ANO2: variants seen among roughly 807,000 people sequenced by gnomAD.
The protein encoded by ANO2 is anoctamin-2.
A neutral mutation model predicts 124.2 loss-of-function variants in ANO2; 101 were observed. The observed-to-expected ratio is 0.81, with a 90% CI of 0.69 to 0.96. The LOEUF is 0.96. Ranked by LOEUF, ANO2 falls within the 40% of genes least tolerant of loss-of-function variation. The probability of loss-of-function intolerance (pLI) is 0.00; values close to 1 mark genes in which losing one functional copy is unlikely to be tolerated. For missense variants in ANO2, 1,293 were observed against 1,274.5 expected (o/e 1.01, Z -0.22); for synonymous variants, 486 against 482.5 (o/e 1.01, Z -0.09).
At chr12:5,575,526 G>A (rs741364) in intron 23 of ANO2, among the ~76,000 whole-genome samples, 99,854 of 152,008 alleles carry the variant, frequency 0.66, 33,132 homozygotes, top group East Asian at 0.76. Flanking sequence ...TATAGCCTAC[G>A]TCACACCTAG....
At chr12:5,684,355 A>G (rs1316403558) in intron 14 of ANO2, among the ~76,000 whole-genome samples, 2 of 152,358 alleles carry the variant, frequency 1.3e-5, no homozygotes, top group South Asian at 2.1e-4. Flanking sequence ...CAGGCAATCT[A>G]CTAATGAGCA....
At position 5,854,146 on chromosome 12, in the gene ANO2, A is replaced by G; in HGVS notation, c.535-5T>C. On this transcript the variant is annotated splice_region_variant and splice_polypyrimidine_tract_variant and intron_variant, in intron 3 of 24. Coordinates refer to ENST00000682330, the MANE Select transcript of ANO2 (RefSeq NM_001364791.2). ...GATGGATCCCTGGCTTTTATTCTGC[A>G]AGGTACAAAGAAAGAACAAATGGAA... 1 of 1,611,426 alleles carries G rather than the reference A, an allele frequency of 6.2e-7. No homozygotes were observed. The highest frequency in any genetic ancestry group is 8.5e-7 in the Non-Finnish European group (1 of 1,178,040).
At chr12:5,576,263 G>A (rs1565428617) in intron 22 of ANO2, among the ~76,000 whole-genome samples, 2 of 152,194 alleles carry the variant, frequency 1.3e-5, no homozygotes, top group Admixed American at 6.5e-5. Context: ...AGCATGCTAA[G>A]TCAATTTGGA....
intron 3 of ANO2, among the ~76,000 whole-genome samples, chr12:5,855,163 C>T (rs988067895): frequency 6.6e-6 from 1 of 152,126 alleles, no homozygotes; most frequent in Non-Finnish European, 1.5e-5. Context: ...GCTGATAGCA[C>T]AATCCTTCAT....
At chr12:5,566,050 C>G (rs1691386448) in intron 23 of ANO2, among the ~76,000 whole-genome samples, 2 of 151,666 alleles carry the variant, frequency 1.3e-5, no homozygotes, top group Admixed American at 1.3e-4. Context: ...ACCCAGACAC[C>G]CTGAATGGTG....
At chr12:5,934,799 T>C (rs967522862) in intron 1 of ANO2, among the ~76,000 whole-genome samples, 1 of 152,206 alleles carries the variant, frequency 6.6e-6, no homozygotes, top group African/African-American at 2.4e-5. Context: ...CTCATCATTC[T>C]CCACCACCCA....
At chr12:5,894,956 A>G (rs775756488) in intron 3 of ANO2, among the ~76,000 whole-genome samples, 1 of 151,964 alleles carries the variant, frequency 6.6e-6, no homozygotes, top group Non-Finnish European at 1.5e-5. Context: ...TTTGTCTAGG[A>G]TTGTCTTGGA....
At chr12:5,566,945 T>G (rs1941800588) in intron 23 of ANO2, among the ~76,000 whole-genome samples, 1 of 152,152 alleles carries the variant, frequency 6.6e-6, no homozygotes, top group South Asian at 2.1e-4. Context: ...TTAGCTGCTC[T>G]AAAAGGTCCA....
At chr12:5,831,959 T>C (rs1298407979) in intron 5 of ANO2, among the ~76,000 whole-genome samples, 1 of 152,220 alleles carries the variant, frequency 6.6e-6, no homozygotes, top group African/African-American at 2.4e-5. Context: ...TTATTCACTC[T>C]TCCTAGGCAG....
At position 5,717,094 on chromosome 12, in the gene ANO2, C is replaced by T. The variant is rs551094282; in HGVS notation, c.1545+15426G>A. 5.4e-4 allele frequency among the ~76,000 whole-genome samples: 83 copies of T among 152,312 alleles called. 1 individual carries two copies. The South Asian group carries it at 0.017, about 31-fold the overall frequency. ...ATAAAGAATGACTGGTAAAGCAAAC[C>T]ATCCCACCGCAAAGGCCAGCATTCA... is the stretch of plus-strand genomic sequence containing the variant. On this transcript the variant is annotated intron_variant, in intron 14 of 24. Coordinates refer to ENST00000682330, the MANE Select transcript of ANO2 (RefSeq NM_001364791.2).
intron 14 of ANO2, among the ~76,000 whole-genome samples, chr12:5,652,670 G>A (rs960919106): frequency 5.7e-4 from 86 of 152,108 alleles, no homozygotes; most frequent in African/African-American, 2.0e-3. Flanking sequence ...CTCAACACAG[G>A]CTTGTCTGAA....
intron 1 of ANO2, among the ~76,000 whole-genome samples, chr12:5,937,261 A>T (rs1232681487): frequency 6.6e-6 from 1 of 152,210 alleles, no homozygotes; most frequent in African/African-American, 2.4e-5. Context: ...CCTAACAGGT[A>T]TGCGATGATA....
chr12:5,886,138 A>G (rs1234306413), intron 3 of ANO2, among the ~76,000 whole-genome samples: 1 of 152,246 alleles, frequency 6.6e-6, no homozygotes, highest in Non-Finnish European at 1.5e-5. Flanking sequence ...GCAAGTTTAA[A>G]AGCAGAGAGG....
chr12:5,726,939 C>T (rs1251469586), intron 14 of ANO2, among the ~76,000 whole-genome samples: 4 of 152,168 alleles, frequency 2.6e-5, no homozygotes, highest in Non-Finnish European at 1.5e-5. Context: ...GGCTCAGCTG[C>T]CTGGTAATGG....
At chr12:5,928,189 T>C (rs1180287340) in intron 1 of ANO2, among the ~76,000 whole-genome samples, 2 of 152,172 alleles carry the variant, frequency 1.3e-5, no homozygotes, top group African/African-American at 2.4e-5. Context: ...TTCTGGGCAG[T>C]TGGGCTTTTC....
At position 5,685,711 on chromosome 12, in the gene ANO2, A is replaced by G. The variant is rs567966623; in HGVS notation, c.1546-37910T>C. Among the ~76,000 whole-genome samples the G allele has an allele frequency of 8.5e-5, 13 of 152,324 alleles. No homozygotes were observed. The South Asian group carries it at 2.5e-3, about 29-fold the overall frequency. On this transcript the variant is annotated intron_variant, in intron 14 of 24. Coordinates refer to ENST00000682330, the MANE Select transcript of ANO2 (RefSeq NM_001364791.2). Reference sequence around the variant, plus strand: ...TGAGTCACTTGAGTCTAGGAGGTTGAGGCTGCAATGAGCTGTGATCATGCC... The same window carrying G: ...TGAGTCACTTGAGTCTAGGAGGTTGGGGCTGCAATGAGCTGTGATCATGCC...
chr12:5,670,074 G>C (rs146252705), intron 14 of ANO2, among the ~76,000 whole-genome samples: 77 of 152,232 alleles, frequency 5.1e-4, no homozygotes, highest in African/African-American at 1.7e-3. Flanking sequence ...AGAGGCAGCA[G>C]AGCATACCGC....
At chr12:5,752,317 T>A (rs1306634827) in intron 10 of ANO2, among the ~76,000 whole-genome samples, 1 of 152,216 alleles carries the variant, frequency 6.6e-6, no homozygotes, top group Non-Finnish European at 1.5e-5. Context: ...AGTGACCGCA[T>A]TGCCACCAAC....
intron 23 of ANO2, among the ~76,000 whole-genome samples, chr12:5,566,573 AGGTG>A (rs1941774107): frequency 6.6e-6 from 1 of 152,188 alleles, no homozygotes; most frequent in African/African-American, 2.4e-5. Flanking sequence ...CCAGAGAAAG[AGGTG>A]GGTGGTGTCA....
Sources: allele counts gnomAD v4.1 joint callset (sites outside exome capture counted in the v4.1 genomes callset), GRCh38; gene constraint gnomAD v4.1.1; transcripts MANE v1.5; gene names NCBI Gene and HGNC (gene_info 2026-07-23, HGNC 2026-07-21).